Variants in ADAMTSL1 observed in about 807,000 individuals in gnomAD.
The protein encoded by ADAMTSL1 is ADAMTS like 1, also known as ADAMTS-like protein 1.
Under a neutral mutation model 201.8 loss-of-function variants are expected in ADAMTSL1, and 126 were observed. The ratio of observed to expected loss-of-function variants is 0.62; its 90% CI spans 0.54 to 0.72. The LOEUF is 0.72. Among genes scored for constraint, ADAMTSL1 ranks in the 30% least tolerant of loss-of-function variants. The probability of loss-of-function intolerance (pLI) is 0.00; values close to 1 mark genes in which losing one functional copy is unlikely to be tolerated. For missense variants in ADAMTSL1, 2,679 were observed against 2,277.8 expected (o/e 1.18, Z -3.59); for synonymous variants, 1,121 against 903.4 (o/e 1.24, Z -4.32).
intron 1 of ADAMTSL1, among the ~76,000 whole-genome samples, chr9:17,969,932 G>C (rs1208261113): frequency 6.6e-6 from 1 of 151,914 alleles, no homozygotes; most frequent in Non-Finnish European, 1.5e-5. Flanking sequence ...TTTAAATATA[G>C]AATCATAAAA....
chr9:17,932,567 G>A (rs1387834641), intron 1 of ADAMTSL1, among the ~76,000 whole-genome samples: 2 of 152,100 alleles, frequency 1.3e-5, no homozygotes, highest in Admixed American at 1.3e-4. Context: ...TTTTCCTATA[G>A]AATCATTAGT....
At chr9:18,564,433 G>A (rs528585098) in intron 3 of ADAMTSL1, among the ~76,000 whole-genome samples, 5 of 152,310 alleles carry the variant, frequency 3.3e-5, no homozygotes, top group African/African-American at 1.2e-4. Context: ...GCTGGGAGCT[G>A]CAGACCAGAG....
intron 13 of ADAMTSL1, among the ~76,000 whole-genome samples, chr9:18,696,767 A>C (rs1014999171): frequency 3.9e-5 from 6 of 152,136 alleles, no homozygotes; most frequent in Admixed American, 3.9e-4. Flanking sequence ...CAATATTATC[A>C]TCTAGAAATT....
At chr9:18,195,778 T>C (rs780504942) in intron 2 of ADAMTSL1, among the ~76,000 whole-genome samples, 1 of 152,134 alleles carries the variant, frequency 6.6e-6, no homozygotes, top group Non-Finnish European at 1.5e-5. Context: ...AAAACTTGTT[T>C]ATCTCATGGC....
chr9:18,181,458 G>C (rs10756948), intron 2 of ADAMTSL1, among the ~76,000 whole-genome samples: 75,960 of 151,128 alleles, frequency 0.5, 19,312 homozygotes, highest in East Asian at 0.57. Flanking sequence ...CAAACAACCC[G>C]ATCAAAAAGT....
At position 18,691,018 on chromosome 9, in the gene ADAMTSL1, T is replaced by G. The variant is rs563535391; in HGVS notation, c.1574+6218T>G. The stretch of plus-strand genomic sequence containing the variant: ...TCAAGAAACTGTTAGTGCATTCTTA[T>G]CACAAGAGCAATAGGATTGTGACCA... On this transcript the variant is annotated intron_variant, in intron 13 of 28. Coordinates refer to ENST00000380548, the MANE Select transcript of ADAMTSL1 (RefSeq NM_001040272.6). Among the ~76,000 whole-genome samples, 21 of 152,332 alleles carry G rather than the reference T, an allele frequency of 1.4e-4. No homozygotes were observed. The South Asian group carries it at 3.1e-3, about 23-fold the overall frequency.
intron 23 of ADAMTSL1, among the ~76,000 whole-genome samples, chr9:18,831,817 G>A (rs981016949): frequency 5.9e-5 from 9 of 152,186 alleles, no homozygotes; most frequent in African/African-American, 2.2e-4. Flanking sequence ...TATAGAACTA[G>A]GAGACTCACA....
At chr9:18,647,335 C>T (rs1052553805) in intron 7 of ADAMTSL1, among the ~76,000 whole-genome samples, 21 of 149,846 alleles carry the variant, frequency 1.4e-4, no homozygotes, top group African/African-American at 4.9e-4. Context: ...TTTCAAAAAA[C>T]CAGCTCCTGG....
chr9:18,148,965 A>C (rs191939576), intron 1 of ADAMTSL1, among the ~76,000 whole-genome samples: 1 of 152,184 alleles, frequency 6.6e-6, no homozygotes, highest in Non-Finnish European at 1.5e-5. Flanking sequence ...AAAAGGAAAA[A>C]TCTTCTAGAC....
intron 4 of ADAMTSL1, among the ~76,000 whole-genome samples, chr9:18,585,804 G>A (rs532793657): frequency 9.9e-5 from 15 of 152,244 alleles, no homozygotes; most frequent in African/African-American, 3.6e-4. Context: ...TTCAATGTAT[G>A]CAAGTCAATA....
intron 9 of ADAMTSL1, among the ~76,000 whole-genome samples, chr9:18,665,971 C>G (rs554118778): frequency 1.3e-5 from 2 of 152,266 alleles, no homozygotes; most frequent in African/African-American, 4.8e-5. Flanking sequence ...TCTTTCCAGT[C>G]TTGTCTATAG....
At chr9:18,690,834 T>G (rs1217752056) in intron 13 of ADAMTSL1, among the ~76,000 whole-genome samples, 1 of 152,168 alleles carries the variant, frequency 6.6e-6, no homozygotes, top group African/African-American at 2.4e-5. Context: ...TATAATTTCT[T>G]GGGCTAATTC....
chr9:18,140,080 A>T (rs1473691707), intron 1 of ADAMTSL1, among the ~76,000 whole-genome samples: 1 of 152,184 alleles, frequency 6.6e-6, no homozygotes, highest in Non-Finnish European at 1.5e-5. Context: ...TGCTAGGTGT[A>T]TTCTGTGTGT....
chr9:18,208,919 AC>A (rs1455715337), intron 2 of ADAMTSL1, among the ~76,000 whole-genome samples: 2 of 151,638 alleles, frequency 1.3e-5, no homozygotes, highest in African/African-American at 4.8e-5. Context: ...TATGAAATAG[AC>A]ATCATTGAAC....
At chr9:18,267,866 C>T (rs1018699205) in intron 2 of ADAMTSL1, among the ~76,000 whole-genome samples, 1 of 150,806 alleles carries the variant, frequency 6.6e-6, no homozygotes, top group Non-Finnish European at 1.5e-5. Context: ...AACATACATT[C>T]TTCTTTGAAT....
chr9:18,531,459 G>C (rs1819438859), intron 2 of ADAMTSL1, among the ~76,000 whole-genome samples: 1 of 152,142 alleles, frequency 6.6e-6, no homozygotes, highest in Admixed American at 6.5e-5. Context: ...ACACACATGT[G>C]TCTTTGTCAT....
intron 13 of ADAMTSL1, among the ~76,000 whole-genome samples, chr9:18,698,700 C>T (rs962653995): frequency 1.3e-5 from 2 of 152,070 alleles, no homozygotes; most frequent in South Asian, 2.1e-4. Flanking sequence ...TCATGTAATT[C>T]AAGAGGAAGA....
intron 2 of ADAMTSL1, 74 bp from the exon 3 acceptor site, chr9:18,533,173 T>C (rs1819548167): frequency 7.2e-7 from 1 of 1,381,160 alleles, no homozygotes; most frequent in Non-Finnish European, 1.0e-6. Flanking sequence ...TTAGAGCAAA[T>C]TTTTATAAGA....
At chr9:18,540,142 G>A (rs1025786740) in intron 3 of ADAMTSL1, among the ~76,000 whole-genome samples, 1 of 152,168 alleles carries the variant, frequency 6.6e-6, no homozygotes, top group African/African-American at 2.4e-5. Flanking sequence ...AAAAATGGAA[G>A]TAGAGTCAAC....
Sources: gnomAD v4.1 joint callset for allele counts (sites outside exome capture counted in the v4.1 genomes callset) on GRCh38, gnomAD v4.1.1 for gene constraint, MANE v1.5 for transcripts, NCBI Gene and HGNC (gene_info 2026-07-23, HGNC 2026-07-21) for gene names.